TMEM74: variants seen among roughly 807,000 people sequenced by gnomAD.
TMEM74 encodes transmembrane protein 74.
TMEM74 carries 13 observed loss-of-function variants against 18.1 expected under a neutral mutation model. The observed-to-expected ratio is 0.72, with a 90% confidence interval of 0.47 to 1.14. The LOEUF is 1.14. Ranked by LOEUF, TMEM74 falls within the 50% of genes most tolerant of loss-of-function variation. The probability of loss-of-function intolerance (pLI) is 0.00; values close to 1 mark genes in which losing one functional copy is unlikely to be tolerated. For synonymous variants in TMEM74, 159 were observed against 146.6 expected (o/e 1.08, Z -0.61); for missense variants, 372 against 375.9 (o/e 0.99, Z 0.09).
chr8:108,761,339 A>T (rs866117620), intron 1 of TMEM74, among the ~76,000 whole-genome samples: 17 of 152,142 alleles, frequency 1.1e-4, no homozygotes, highest in African/African-American at 4.1e-4. Context: ...TATTATAAAC[A>T]TTAAATATCA....
chr8:108,626,758 CTAGACCCTATCTG>C (rs1415186542), intron 2 of TMEM74: 10 of 151,998 alleles, frequency 6.6e-5, no homozygotes. Flanking sequence ...TGTTTTCTTG[CTAGACCCTATCTG>C]TCTATCTATA....
intron 1 of TMEM74, among the ~76,000 whole-genome samples, chr8:108,661,334 G>C (rs1410936775): frequency 2.1e-5 from 3 of 145,198 alleles, no homozygotes; most frequent in Admixed American, 1.4e-4. Flanking sequence ...TGTGATTTTT[G>C]CCACTGAACC....
intron 1 of TMEM74, among the ~76,000 whole-genome samples, chr8:108,722,427 A>T (rs7846249): frequency 6.6e-6 from 1 of 152,202 alleles, no homozygotes; most frequent in Non-Finnish European, 1.5e-5. Context: ...AGGAATGTTA[A>T]GACTGAACAC....
At chr8:108,750,187 C>T (rs1813890565) in intron 1 of TMEM74, among the ~76,000 whole-genome samples, 1 of 152,194 alleles carries the variant, frequency 6.6e-6, no homozygotes, top group Admixed American at 6.5e-5. Flanking sequence ...GATACCTACA[C>T]AGATGCATAA....
intron 1 of TMEM74, among the ~76,000 whole-genome samples, chr8:108,694,890 T>C (rs1813265475): frequency 6.6e-6 from 1 of 152,146 alleles, no homozygotes; most frequent in South Asian, 2.1e-4. Flanking sequence ...AAAGACAAAC[T>C]GGAAGCTGAA....
chr8:108,735,200 T>G (rs1348542656), intron 1 of TMEM74, among the ~76,000 whole-genome samples: 1 of 152,238 alleles, frequency 6.6e-6, no homozygotes, highest in East Asian at 1.9e-4. Context: ...AGCAGCTTTA[T>G]GGAGAAACAA....
At chr8:108,724,981 G>A (rs572070864) in intron 1 of TMEM74, among the ~76,000 whole-genome samples, 1 of 152,276 alleles carries the variant, frequency 6.6e-6, no homozygotes, top group Admixed American at 6.5e-5. Context: ...GCACAGTCTG[G>A]CCTCTGCCAA....
intron 1 of TMEM74, among the ~76,000 whole-genome samples, chr8:108,700,629 G>T (rs1235268732): frequency 6.6e-6 from 1 of 152,066 alleles, no homozygotes; most frequent in Non-Finnish European, 1.5e-5. Context: ...CAAAATAAAG[G>T]AGAGAAAAAT....
chr8:108,612,818 A>G lies in TMEM74; in HGVS notation n.265-3992T>C, dbSNP rs553862582. On this transcript the variant is annotated intron_variant and non_coding_transcript_variant, in intron 2 of 3. Coordinates refer to the TMEM74 transcript ENST00000518838. Reference sequence around the variant, plus strand: ...TTCTTCTTCAAGTTGAAGAAGAACTATTCCCTAACTCAGTGTTCTGTAAGT... The same window carrying G: ...TTCTTCTTCAAGTTGAAGAAGAACTGTTCCCTAACTCAGTGTTCTGTAAGT... Among the ~76,000 whole-genome samples, 6 of 152,302 alleles carry G rather than the reference A, an allele frequency of 3.9e-5. No individual in the cohort carries two copies. The South Asian group carries it at 1.2e-3, about 32-fold the overall frequency.
chr8:108,758,209 C>T (rs945281323), intron 1 of TMEM74, among the ~76,000 whole-genome samples: 1 of 151,802 alleles, frequency 6.6e-6, no homozygotes, highest in East Asian at 1.9e-4. Context: ...TAAAACAAAA[C>T]AGAACAAATA....
At chr8:108,702,852 G>A (rs1280940908) in intron 1 of TMEM74, among the ~76,000 whole-genome samples, 1 of 143,788 alleles carries the variant, frequency 7.0e-6, no homozygotes, top group East Asian at 2.1e-4. Context: ...TTTTTTCTGT[G>A]AATCTAAAAC....
chr8:108,648,926 C>T (rs1812746557), intron 2 of TMEM74, among the ~76,000 whole-genome samples: 1 of 152,128 alleles, frequency 6.6e-6, no homozygotes, highest in Admixed American at 6.6e-5. Context: ...AAACAATACA[C>T]TGATCTACAA....
intron 1 of TMEM74, among the ~76,000 whole-genome samples, chr8:108,657,834 C>T (rs1226130690): frequency 4.0e-5 from 3 of 75,294 alleles, no homozygotes; most frequent in Admixed American, 4.0e-4. Context: ...CAGAGTGAGA[C>T]ACCGTCTCAA....
chr8:108,716,192 T>G (rs1813521709), intron 1 of TMEM74, among the ~76,000 whole-genome samples: 1 of 152,078 alleles, frequency 6.6e-6, no homozygotes. Flanking sequence ...AAACTTTTAC[T>G]CCATGAACAG....
In TMEM74 at chr8:108,614,037, T is replaced by G. The variant is rs992248076; in HGVS notation, n.265-5211A>C. ...GGGAGAAGTACCATTTTCATAAGGT[T>G]TTTTTTTTTTTTTGTATGGGGTATT... On this transcript the variant is annotated intron_variant and non_coding_transcript_variant, in intron 2 of 3. Coordinates refer to the TMEM74 transcript ENST00000518838. Among the ~76,000 whole-genome samples, 4 of 129,658 alleles carry G rather than the reference T, an allele frequency of 3.1e-5. No homozygotes were observed. The South Asian group carries it at 6.5e-4, about 21-fold the overall frequency. The allele number at this position is 129,658 out of a possible 152,430, so 85.1% of individuals were successfully genotyped here. A position where few individuals can be genotyped will look rare whatever the true frequency, so the allele number is the denominator to read the frequency against.
At chr8:108,762,769 C>T (rs1370625829) in intron 1 of TMEM74, among the ~76,000 whole-genome samples, 1 of 152,010 alleles carries the variant, frequency 6.6e-6, no homozygotes, top group East Asian at 1.9e-4. Context: ...TAGTGGTATG[C>T]ACTTATAATC....
chr8:108,774,323 T>C (rs1441357574), downstream of TMEM74, among the ~76,000 whole-genome samples: 2 of 152,098 alleles, frequency 1.3e-5, no homozygotes, highest in Non-Finnish European at 2.9e-5. Flanking sequence ...TTCCACAAAA[T>C]CTCCAATGCT....
rs139489963 is a variant in TMEM74 at position 108,718,238 on chromosome 8, G to C, written n.120-62801C>G. 2.3e-4 allele frequency among the ~76,000 whole-genome samples: 35 copies of C among 150,478 alleles called. 8 individuals are homozygous for C. In the South Asian group the frequency reaches 7.0e-3, roughly 30 times the overall value. ...CTCCCAAAGTGCTGGGATTACAGGCGTGAGCCACCGCGCCCGGCCCTGACT... is the reference window on the plus strand; with the variant it reads ...CTCCCAAAGTGCTGGGATTACAGGCCTGAGCCACCGCGCCCGGCCCTGACT... On this transcript the variant is annotated intron_variant and non_coding_transcript_variant, in intron 1 of 3. Coordinates refer to the TMEM74 transcript ENST00000518838.
At chr8:108,767,123 C>T (rs1023412792) in intron 1 of TMEM74, among the ~76,000 whole-genome samples, 2 of 152,138 alleles carry the variant, frequency 1.3e-5, no homozygotes, top group East Asian at 1.9e-4. Flanking sequence ...TCCTTCAATC[C>T]GGTCAAGTTG....
Sources: allele counts gnomAD v4.1 joint callset (sites outside exome capture counted in the v4.1 genomes callset), GRCh38; gene constraint gnomAD v4.1.1; transcripts MANE v1.5; gene names NCBI Gene and HGNC (gene_info 2026-07-23, HGNC 2026-07-21).